Variants in SSBP2 observed in about 807,000 individuals in gnomAD.
SSBP2 encodes single-stranded DNA-binding protein 2.
Under a neutral mutation model 61.8 loss-of-function variants are expected in SSBP2, and 17 were observed. The ratio of observed to expected loss-of-function variants is 0.28; its 90% CI spans 0.19 to 0.41. SSBP2 has a LOEUF of 0.41. Ranked by LOEUF, SSBP2 falls within the 10% of genes least tolerant of loss-of-function variation. The probability of loss-of-function intolerance (pLI) is 1.00; values close to 1 mark genes in which losing one functional copy is unlikely to be tolerated. For missense variants in SSBP2, 310 were observed against 458.7 expected (o/e 0.68, Z 2.96); for synonymous variants, 139 against 141.3 (o/e 0.98, Z 0.12).
intron 6 of SSBP2, among the ~76,000 whole-genome samples, chr5:81,486,744 C>T (rs956425659): frequency 4.6e-5 from 7 of 152,174 alleles, no homozygotes; most frequent in Non-Finnish European, 8.8e-5. Flanking sequence ...CTGTGCACTT[C>T]TCTTTCCTAT....
chr5:81,647,596 T>C (rs1363556255), intron 2 of SSBP2, among the ~76,000 whole-genome samples: 1 of 152,088 alleles, frequency 6.6e-6, no homozygotes, highest in African/African-American at 2.4e-5. Flanking sequence ...GAAAATCACA[T>C]ACACTTATCT....
intron 6 of SSBP2, among the ~76,000 whole-genome samples, chr5:81,474,898 A>G (rs1765485588): frequency 6.6e-6 from 1 of 152,190 alleles, no homozygotes; most frequent in South Asian, 2.1e-4. Flanking sequence ...TGAAATAACT[A>G]ATTTTGCTTC....
intron 3 of SSBP2, among the ~76,000 whole-genome samples, chr5:81,626,949 T>C (rs866186940): frequency 5.3e-5 from 8 of 152,188 alleles, no homozygotes; most frequent in Non-Finnish European, 5.9e-5. Flanking sequence ...CTTGGGCAAA[T>C]AGTTTTTTGA....
intron 6 of SSBP2, among the ~76,000 whole-genome samples, chr5:81,486,092 T>C (rs2154043574): frequency 6.6e-6 from 1 of 152,254 alleles, no homozygotes; most frequent in Admixed American, 6.6e-5. Context: ...ACTGGAGTGG[T>C]GGTGGGAATG....
chr5:81,500,719 A>C (rs1460747124), intron 5 of SSBP2, among the ~76,000 whole-genome samples: 3 of 151,934 alleles, frequency 2.0e-5, no homozygotes, highest in Non-Finnish European at 2.9e-5. Flanking sequence ...TCGGCCTCCC[A>C]AAGTACTGGG....
At chr5:81,626,420 C>T (rs569577783) in intron 3 of SSBP2, among the ~76,000 whole-genome samples, 48 of 152,272 alleles carry the variant, frequency 3.2e-4, no homozygotes, top group Non-Finnish European at 4.9e-4. Context: ...AAATAATTTG[C>T]CTAAAGTCAC....
intron 1 of SSBP2, among the ~76,000 whole-genome samples, chr5:81,674,181 A>G (rs1203427678): frequency 6.6e-6 from 1 of 152,142 alleles, no homozygotes; most frequent in Non-Finnish European, 1.5e-5. Flanking sequence ...ATCATGATTC[A>G]GTATTTTCCC....
chr5:81,516,496 C>T (rs1308718817), intron 4 of SSBP2, among the ~76,000 whole-genome samples: 2 of 152,032 alleles, frequency 1.3e-5, no homozygotes, highest in East Asian at 3.9e-4. Context: ...CACTAGTCCA[C>T]AGCATTTCAG....
chr5:81,596,437 C>T (rs1743757110), intron 4 of SSBP2, among the ~76,000 whole-genome samples: 2 of 112,010 alleles, frequency 1.8e-5, no homozygotes, highest in East Asian at 4.8e-4. Context: ...ACATTCAATG[C>T]CATCCCCATC....
At chr5:81,463,825 G>T (rs977873612) in intron 9 of SSBP2, among the ~76,000 whole-genome samples, 148 of 142,392 alleles carry the variant, frequency 1.0e-3, no homozygotes, top group Non-Finnish European at 1.9e-3. Flanking sequence ...TTGGAGTGCA[G>T]TGACAGGATC....
intron 4 of SSBP2, among the ~76,000 whole-genome samples, chr5:81,609,021 T>C (rs10514230): frequency 0.26 from 39,482 of 151,890 alleles, 5,386 homozygotes; most frequent in Non-Finnish European, 0.31. Flanking sequence ...TAGAAGGAAT[T>C]TGGATAGAGG....
intron 4 of SSBP2, among the ~76,000 whole-genome samples, chr5:81,537,342 T>C (rs1293534682): frequency 6.6e-6 from 1 of 152,140 alleles, no homozygotes; most frequent in Non-Finnish European, 1.5e-5. Flanking sequence ...GAGACAATTC[T>C]CATATGAATT....
At chr5:81,562,047 G>A (rs1053317569) in intron 4 of SSBP2, among the ~76,000 whole-genome samples, 3 of 151,932 alleles carry the variant, frequency 2.0e-5, no homozygotes, top group African/African-American at 7.3e-5. Context: ...TGGGGCTATA[G>A]GCACAAGCCA....
intron 6 of SSBP2, among the ~76,000 whole-genome samples, chr5:81,483,806 A>G (rs1416498116): frequency 6.6e-6 from 1 of 152,034 alleles, no homozygotes; most frequent in African/African-American, 2.4e-5. Context: ...TCTTTTTTCT[A>G]TATTTCAACA....
At chr5:81,506,014 C>A (rs141409642) in intron 5 of SSBP2, among the ~76,000 whole-genome samples, 2 of 152,084 alleles carry the variant, frequency 1.3e-5, no homozygotes, top group Non-Finnish European at 2.9e-5. Context: ...GCCTGAATTG[C>A]AATTTTTAAA....
At chr5:81,529,541 G>C (rs1008730876) in intron 4 of SSBP2, among the ~76,000 whole-genome samples, 2 of 152,132 alleles carry the variant, frequency 1.3e-5, no homozygotes, top group Middle Eastern at 3.4e-3. Flanking sequence ...GGCATAGATA[G>C]GTCAGAACAC....
At chr5:81,733,325 G>A (rs1756387651) in intron 1 of SSBP2, among the ~76,000 whole-genome samples, 1 of 151,594 alleles carries the variant, frequency 6.6e-6, no homozygotes, top group African/African-American at 2.4e-5. Flanking sequence ...AAATATAGAG[G>A]GAAAAGAGAG....
intron 1 of SSBP2, among the ~76,000 whole-genome samples, chr5:81,679,913 G>A (rs7736720): frequency 0.049 from 7,347 of 151,144 alleles, 352 homozygotes; most frequent in African/African-American, 0.12. Flanking sequence ...ATAAGAATGG[G>A]CATCATCCAA....
chr5:81,669,290 T>A (rs573489338), intron 1 of SSBP2, among the ~76,000 whole-genome samples: 1 of 152,322 alleles, frequency 6.6e-6, no homozygotes, highest in East Asian at 1.9e-4. Flanking sequence ...CTTACAAAGC[T>A]AAACATACTC....
Sources: allele counts gnomAD v4.1 joint callset (sites outside exome capture counted in the v4.1 genomes callset), GRCh38; gene constraint gnomAD v4.1.1; transcripts MANE v1.5; gene names NCBI Gene and HGNC (gene_info 2026-07-23, HGNC 2026-07-21).